Variants in IARS2 observed in about 807,000 individuals in gnomAD.
The protein encoded by IARS2 is isoleucine--tRNA ligase, mitochondrial.
IARS2 carries 56 observed loss-of-function variants against 126.3 expected under a neutral mutation model. The ratio of observed to expected loss-of-function variants is 0.44; its 90% CI spans 0.36 to 0.55. IARS2 has a LOEUF of 0.55. Ranked by LOEUF, IARS2 falls within the 20% of genes least tolerant of loss-of-function variation. The probability of loss-of-function intolerance (pLI) is 0.00; values close to 1 mark genes in which losing one functional copy is unlikely to be tolerated. For synonymous variants in IARS2, 407 were observed against 441.1 expected (o/e 0.92, Z 0.97); for missense variants, 1,127 against 1,245.9 (o/e 0.90, Z 1.44).
At chr1:220,140,344 G>A (rs936694062) in intron 19 of IARS2, 55 bp downstream of exon 19, 68 of 1,077,138 alleles carry the variant, frequency 6.3e-5, no homozygotes, top group South Asian at 4.1e-4. Context: ...GGTGACTCAC[G>A]CCTGTAATCC....
intron 12 of IARS2, chr1:220,118,335 T>C (rs906096439): frequency 3.5e-6 from 1 of 282,050 alleles, no homozygotes; most frequent in Non-Finnish European, 7.2e-6. Context: ...GATTTATTCA[T>C]GTTCTAAATA....
intron 21 of IARS2, 142 bp from the exon 22 acceptor site, chr1:220,145,367 C>T (rs1393130982): frequency 3.2e-6 from 2 of 616,858 alleles, no homozygotes; most frequent in Non-Finnish European, 5.4e-6. Context: ...AGGATTGATA[C>T]ATTTAGTGAT....
rs1558134431 is a variant in IARS2 at position 220,147,853 on chromosome 1, G to A, written c.*218G>A. 7.5e-6 allele frequency: 4 copies of A among 532,926 alleles called. No individual in the cohort carries two copies. In the East Asian group the frequency reaches 8.4e-5, roughly 11 times the overall value. 33.0% of individuals were successfully genotyped at this position (532,926 alleles called of 1,614,324 possible). A position where few individuals can be genotyped will look rare whatever the true frequency, so the allele number is the denominator to read the frequency against. On this transcript the variant is annotated 3_prime_UTR_variant, in exon 23 of 23. Coordinates refer to ENST00000366922, the MANE Select transcript of IARS2 (RefSeq NM_018060.4). ...CATGCAGAAATATATATGTGTGTGT[G>A]TATCTGTGGATGGATATATGTATAT...
intron 18 of IARS2, 22 bp from the exon 19 acceptor site, chr1:220,140,161 T>G: frequency 7.0e-7 from 1 of 1,420,432 alleles, no homozygotes; most frequent in Non-Finnish European, 9.9e-7. Context: ...GCTTCCAAAT[T>G]TATTTTGGCT....
chr1:220,106,191 A>G, intron 9 of IARS2, 131 bp downstream of exon 9: 1 of 640,032 alleles, frequency 1.6e-6, no homozygotes, highest in Non-Finnish European at 2.5e-6. Flanking sequence ...AGGTTTGTGT[A>G]GTACTCTAAA....
At chr1:220,112,924 T>C (rs1429339827) in intron 11 of IARS2, among the ~76,000 whole-genome samples, 4 of 152,132 alleles carry the variant, frequency 2.6e-5, no homozygotes, top group Admixed American at 6.5e-5. Context: ...AGTGCAGTGA[T>C]GTGATCTTGG....
chr1:220,111,576 G>GTGTA (rs1265455610), intron 11 of IARS2, among the ~76,000 whole-genome samples: 1 of 139,540 alleles, frequency 7.2e-6, no homozygotes, highest in Non-Finnish European at 1.5e-5. Flanking sequence ...TTCTATATGG[G>GTGTA]TATATATATA....
At chr1:220,105,638 A>G (rs1656663522) in intron 8 of IARS2, among the ~76,000 whole-genome samples, 1 of 152,212 alleles carries the variant, frequency 6.6e-6, no homozygotes, top group African/African-American at 2.4e-5. Context: ...TGGTAGATGC[A>G]GTAAGTATCA....
Position 220,145,560 on chromosome 1 carries a change from A to T in IARS2, c.2803A>T (p.Met935Leu). Residue 935 changes from methionine (M) to leucine (L), a missense_variant, in exon 22 of 23, where the codon ATG becomes TTG. Coordinates refer to ENST00000366922, the MANE Select transcript of IARS2 (RefSeq NM_018060.4). ...CACCTCTCAGTTGAATGAATTAATGATGGCTTCTGAGTCAACTTTACTGGC... is the reference window on the plus strand; with the variant it reads ...CACCTCTCAGTTGAATGAATTAATGTTGGCTTCTGAGTCAACTTTACTGGC... ...SSTSQLNELMMASESTLLAQE... is the reference protein window; with the variant it reads ...SSTSQLNELMLASESTLLAQE... 1.2e-6 allele frequency: 2 copies of T among 1,613,802 alleles called. No homozygotes were observed. The highest frequency in any genetic ancestry group is 1.7e-6 in the Non-Finnish European group (2 of 1,179,752).
chr1:220,124,343 G>A (rs1657109496), intron 12 of IARS2, among the ~76,000 whole-genome samples: 1 of 152,104 alleles, frequency 6.6e-6, no homozygotes, highest in African/African-American at 2.4e-5. Flanking sequence ...GGGTTGATTG[G>A]CTTTCTGTCA....
intron 14 of IARS2, among the ~76,000 whole-genome samples, chr1:220,130,669 T>A (rs997367437): frequency 6.6e-6 from 1 of 152,172 alleles, no homozygotes; most frequent in Non-Finnish European, 1.5e-5. Flanking sequence ...GCCATTCTCC[T>A]GCCCCAGCCT....
At chr1:220,114,512 G>T (rs762695138) in intron 12 of IARS2, 38 bp downstream of exon 12, 1 of 1,508,776 alleles carries the variant, frequency 6.6e-7, no homozygotes, top group Non-Finnish European at 9.0e-7. Context: ...GTTTTAAAGT[G>T]AAATATTTTT....
At chr1:220,121,671 T>C (rs1383823942) in intron 12 of IARS2, among the ~76,000 whole-genome samples, 1 of 152,194 alleles carries the variant, frequency 6.6e-6, no homozygotes, top group African/African-American at 2.4e-5. Context: ...TCTTGAACTC[T>C]TGGGCTCAAG....
chr1:220,100,616 C>G lies in IARS2; in HGVS notation c.517C>G (p.Gln173Glu). 1.2e-6 allele frequency: 2 copies of G among 1,610,136 alleles called. No individual in the cohort carries two copies. The highest frequency in any genetic ancestry group is 1.7e-6 in the Non-Finnish European group (2 of 1,177,714). ...ATTATCAGAACTTGGTAGAGAAGCT[C>G]AGAATCTTTCAGCTATGGAAATTAG... ...KVLSELGREA[Q>E]NLSAMEIRKK... Residue 173 changes from glutamine to glutamate, a missense_variant, in exon 3 of 23, where the codon CAG becomes GAG. Gln to Glu is a conservative substitution (Grantham distance 29, BLOSUM62 2). Coordinates refer to ENST00000366922, the MANE Select transcript of IARS2 (RefSeq NM_018060.4).
chr1:220,121,643 C>T (rs1242444931), intron 12 of IARS2, among the ~76,000 whole-genome samples: 4 of 152,070 alleles, frequency 2.6e-5, no homozygotes, highest in Admixed American at 6.6e-5. Flanking sequence ...GGGGTCTTTA[C>T]TATGTTGCCC....
chr1:220,105,662 A>G (rs1656664370), intron 8 of IARS2, among the ~76,000 whole-genome samples: 1 of 152,212 alleles, frequency 6.6e-6, no homozygotes, highest in Non-Finnish European at 1.5e-5. Flanking sequence ...CACTTAAACT[A>G]CATTAACTCT....
intron 15 of IARS2, among the ~76,000 whole-genome samples, chr1:220,135,892 A>G (rs576709682): frequency 6.7e-6 from 1 of 149,084 alleles, no homozygotes; most frequent in East Asian, 2.0e-4. Flanking sequence ...TTTCCAACAC[A>G]CTAAAAAGTT....
chr1:220,138,047 A>C lies in IARS2; in HGVS notation c.2175+4A>C, dbSNP rs1657414827. On this transcript the variant is annotated splice_donor_region_variant and intron_variant, in intron 17 of 22. Coordinates refer to ENST00000366922, the MANE Select transcript of IARS2 (RefSeq NM_018060.4). ...TGCCAGAGATGATATTAGCAAGGTT[A>C]GAACTATTATTCTTCCTATTTCTAA... is the stretch of plus-strand genomic sequence containing the variant. 3 of 1,613,826 alleles carry C rather than the reference A, an allele frequency of 1.9e-6. No individual in the cohort carries two copies. Among genetic ancestry groups the C allele is most frequent in the Non-Finnish European group, 2.5e-6 (3 of 1,179,816 alleles).
intron 10 of IARS2, among the ~76,000 whole-genome samples, chr1:220,108,601 G>A (rs1225760960): frequency 3.3e-5 from 5 of 151,914 alleles, no homozygotes; most frequent in African/African-American, 7.2e-5. Context: ...TAGCCAGGAC[G>A]GTCTCGATCT....
Sources: allele counts gnomAD v4.1 joint callset (sites outside exome capture counted in the v4.1 genomes callset), GRCh38; gene constraint gnomAD v4.1.1; transcripts MANE v1.5; gene names NCBI Gene and HGNC (gene_info 2026-07-23, HGNC 2026-07-21).